The following CPVL variants were observed in gnomAD, a reference collection of about 807,000 sequenced individuals.
CPVL encodes carboxypeptidase vitellogenic like.
In CPVL, 51 loss-of-function variants were observed where a neutral mutation model predicts 63.7. The observed-to-expected ratio is 0.80, with a 90% confidence interval of 0.64 to 1.01. The LOEUF (loss-of-function observed/expected upper bound fraction) is 1.01, where lower values mean the gene tolerates loss of function less well. Ranked by LOEUF, CPVL falls within the 50% of genes least tolerant of loss-of-function variation. The pLI, the probability that CPVL is intolerant of heterozygous loss-of-function variation, is 0.00. For synonymous variants in CPVL, 195 were observed against 206.0 expected (o/e 0.95, Z 0.46); for missense variants, 530 against 573.1 (o/e 0.92, Z 0.77).
intron 6 of CPVL, among the ~76,000 whole-genome samples, chr7:29,090,453 T>C (rs1785652127): frequency 6.6e-6 from 1 of 152,208 alleles, no homozygotes. Flanking sequence ...TACATATCAT[T>C]TCCCATTGCA....
chr7:29,096,288 C>G (rs1786393865), intron 3 of CPVL, 71 bp from the exon 4 acceptor site: 10 of 1,227,028 alleles, frequency 8.1e-6, no homozygotes, highest in Non-Finnish European at 1.1e-5. Flanking sequence ...CACAAGCAAA[C>G]TTACCCAAAT....
chr7:29,049,546 T>G (rs1290122647), intron 11 of CPVL, among the ~76,000 whole-genome samples: 2 of 151,718 alleles, frequency 1.3e-5, no homozygotes, highest in Non-Finnish European at 2.9e-5. Flanking sequence ...GAAAAAAAAG[T>G]CCAGAACCAG....
chr7:29,195,381 A>G, upstream of CPVL: 2 of 220,120 alleles, frequency 9.1e-6, no homozygotes, highest in Non-Finnish European at 1.8e-5. Flanking sequence ...CGCGCCCGCT[A>G]CCCTGGACAC....
intron 10 of CPVL, among the ~76,000 whole-genome samples, chr7:29,065,383 A>G (rs1440101960): frequency 6.6e-6 from 1 of 152,258 alleles, no homozygotes; most frequent in Non-Finnish European, 1.5e-5. Context: ...GGCAATTTTA[A>G]AAACAGAATG....
In CPVL at chr7:29,112,126, C is replaced by T. The variant is rs183155731; in HGVS notation, c.288+578G>A. On this transcript the variant is annotated intron_variant, in intron 3 of 12. Coordinates refer to ENST00000265394, the MANE Select transcript of CPVL (RefSeq NM_031311.5). The stretch of plus-strand genomic sequence containing the variant: ...AGTGATGGCCTTTCCTGCCAGAAGC[C>T]TTCCTAGATCGGCAATCCTCCCAAT... Among the ~76,000 whole-genome samples the T allele has an allele frequency of 2.9e-3, 442 of 152,314 alleles. 3 individuals carry two copies. Among genetic ancestry groups the T allele is most frequent in the African/African-American group, 0.01 (421 of 41,568 alleles).
Position 29,120,910 on chromosome 7 carries a change from G to A in CPVL, c.152C>T (p.Ala51Val). Residue 51 changes from alanine to valine, a missense_variant, in exon 2 of 13, where the codon GCT (alanine) becomes GTT (valine). By Grantham distance (64) the Ala-to-Val change is moderately conservative. Transcript: ENST00000265394. ...QPLFLTPYIE[A>V]GKIQKGRELS... The stretch of plus-strand genomic sequence containing the variant: ...TTACTTACCTTTTTGGATCTTCCCA[G>A]CTTCAATGTAAGGGGTGAGAAATAA... 1 of 1,613,034 alleles carries A rather than the reference G, an allele frequency of 6.2e-7. No homozygotes were observed. The highest frequency in any genetic ancestry group is 8.5e-7 in the Non-Finnish European group (1 of 1,179,638).
intron 11 of CPVL, among the ~76,000 whole-genome samples, chr7:29,043,482 T>C (rs530838047): frequency 3.7e-4 from 56 of 152,084 alleles, no homozygotes; most frequent in Non-Finnish European, 5.4e-4. Context: ...CAAACAGGCT[T>C]AGAAGGAATG....
At chr7:29,104,576 G>A (rs1314467371) in intron 3 of CPVL, among the ~76,000 whole-genome samples, 1 of 152,016 alleles carries the variant, frequency 6.6e-6, no homozygotes, top group Non-Finnish European at 1.5e-5. Flanking sequence ...ATCTTTTTTT[G>A]TTTTGAGGCC....
chr7:29,065,555 C>T lies in CPVL; in HGVS notation c.963+468G>A, dbSNP rs190576039. On this transcript the variant is annotated intron_variant, in intron 10 of 12. Transcript: ENST00000265394. The stretch of plus-strand genomic sequence containing the variant: ...TATTCCAGAAGGCTTGAAGTGAGGG[C>T]CATACTAAATGCATTAAACATCTTA... Among the ~76,000 whole-genome samples the T allele has an allele frequency of 8.5e-5, 13 of 152,274 alleles. No individual in the cohort carries two copies. In the East Asian group the frequency reaches 2.3e-3, roughly 27 times the overall value.
chr7:29,010,380 G>C (rs746516404), intron 12 of CPVL: 1 of 151,584 alleles, frequency 6.6e-6, no homozygotes, highest in Non-Finnish European at 1.5e-5. Flanking sequence ...AAAAAAAAAG[G>C]CTGGATGCAC....
chr7:29,126,438 G>C (rs1316369393), intron 1 of CPVL: 6 of 152,106 alleles, frequency 3.9e-5, no homozygotes, highest in Non-Finnish European at 8.8e-5. Flanking sequence ...CAATCGACCT[G>C]ACCATCAGAA....
intron 5 of CPVL, among the ~76,000 whole-genome samples, chr7:29,162,889 G>T (rs1795382429): frequency 6.6e-6 from 1 of 152,174 alleles, no homozygotes; most frequent in East Asian, 1.9e-4. Context: ...TATGTTGGTT[G>T]TGATTGTGCT....
In CPVL at chr7:29,042,658, T is replaced by C. The variant is rs141999382; in HGVS notation, c.1138-11899A>G. On this transcript the variant is annotated intron_variant, in intron 11 of 12. Transcript: ENST00000265394. ...CAAAAAATAATAGTACCACTAGTAATTGAGTGAATACATTAAGGATTATGA... is the reference window on the plus strand; with the variant it reads ...CAAAAAATAATAGTACCACTAGTAACTGAGTGAATACATTAAGGATTATGA... Among the ~76,000 whole-genome samples the C allele has an allele frequency of 2.3e-3, 352 of 152,130 alleles. 1 individual carries two copies. Among genetic ancestry groups the C allele is most frequent in the African/African-American group, 8.1e-3 (337 of 41,504 alleles).
intron 11 of CPVL, among the ~76,000 whole-genome samples, chr7:29,063,017 A>G (rs535801989): frequency 1.5e-4 from 23 of 152,306 alleles, no homozygotes; most frequent in African/African-American, 5.1e-4. Context: ...CTGGAGGACC[A>G]GAGGAGGAGC....
chr7:29,019,820 G>A (rs1786774852), intron 12 of CPVL, among the ~76,000 whole-genome samples: 1 of 152,120 alleles, frequency 6.6e-6, no homozygotes, highest in African/African-American at 2.4e-5. Flanking sequence ...CCAAACCAAC[G>A]CTGAGGCACT....
intron 4 of CPVL, 55 bp downstream of exon 4, chr7:29,096,048 G>T: frequency 7.4e-7 from 1 of 1,346,818 alleles, no homozygotes; most frequent in Non-Finnish European, 1.1e-6. Flanking sequence ...TTTTGGAGCA[G>T]GTATGAGGCT....
intron 2 of CPVL, among the ~76,000 whole-genome samples, chr7:29,114,592 T>G (rs1484630936): frequency 1.3e-5 from 2 of 151,882 alleles, no homozygotes; most frequent in East Asian, 3.9e-4. Flanking sequence ...ATCATGCCAC[T>G]GCACTCCAGC....
intron 2 of CPVL, among the ~76,000 whole-genome samples, chr7:29,113,385 T>G (rs1208103328): frequency 6.6e-6 from 1 of 151,566 alleles, no homozygotes; most frequent in Non-Finnish European, 1.5e-5. Flanking sequence ...TGGACAGTGG[T>G]GGACAGTGGG....
chr7:29,035,807 G>A (rs1343964527), intron 11 of CPVL, among the ~76,000 whole-genome samples: 1 of 152,164 alleles, frequency 6.6e-6, no homozygotes, highest in East Asian at 1.9e-4. Context: ...ACTGTACTTT[G>A]TGGGTCACCC....
Sources: allele counts gnomAD v4.1 joint callset (sites outside exome capture counted in the v4.1 genomes callset), GRCh38; gene constraint gnomAD v4.1.1; transcripts MANE v1.5; gene names NCBI Gene and HGNC (gene_info 2026-07-23, HGNC 2026-07-21).